DGKD: variants seen among roughly 807,000 people sequenced by gnomAD.
DGKD encodes the protein DAG kinase delta.
A neutral mutation model predicts 154.4 loss-of-function variants in DGKD; 68 were observed. The observed-to-expected ratio is 0.44, with a 90% CI of 0.36 to 0.54. The LOEUF (loss-of-function observed/expected upper bound fraction) is 0.54, where lower values mean the gene tolerates loss of function less well. Ranked by LOEUF, DGKD falls within the 20% of genes least tolerant of loss-of-function variation. DGKD has a pLI of 0.00. For synonymous variants in DGKD, 693 were observed against 638.0 expected (o/e 1.09, Z -1.30); for missense variants, 1,343 against 1,593.6 (o/e 0.84, Z 2.68).
chr2:233,433,797 T>C (rs905094051), intron 3 of DGKD, among the ~76,000 whole-genome samples: 2 of 152,232 alleles, frequency 1.3e-5, no homozygotes, highest in Non-Finnish European at 2.9e-5. Flanking sequence ...GAAGATTTTT[T>C]TTCTACTGAT....
At chr2:233,372,505 A>C (rs1048820189) in intron 1 of DGKD, among the ~76,000 whole-genome samples, 11 of 151,344 alleles carry the variant, frequency 7.3e-5, no homozygotes, top group Middle Eastern at 3.4e-3. Flanking sequence ...GTTGTTCTCT[A>C]TCTCCTTTCT....
At chr2:233,463,515 G>C (rs370163858) in intron 26 of DGKD, among the ~76,000 whole-genome samples, 988 of 19,600 alleles carry the variant, frequency 0.05, 101 homozygotes, top group African/African-American at 0.22. Context: ...CTGCACGCAT[G>C]TCCTCACTCC....
chr2:233,464,202 T>C lies in DGKD; in HGVS notation c.3225T>C (p.Ala1075=). 6.2e-7 allele frequency: 1 copy of C among 1,613,606 alleles called. No individual in the cohort carries two copies. Among genetic ancestry groups the C allele is most frequent in the East Asian group, 2.2e-5 (1 of 44,870 alleles). Residue 1075 remains alanine (A), a synonymous_variant, in exon 27 of 30, where the codon GCT becomes GCC. Transcript: ENST00000264057. ...CTCAGAAGGAGCAGCTGGGGAGTGC[T>C]CTTGCCGAGATGGACCGACAGCTCA... The part of the protein sequence containing the change: ...DPPQKEQLGS[A]LAEMDRQLRR...
At chr2:233,374,744 C>T (rs984328849) in intron 1 of DGKD, among the ~76,000 whole-genome samples, 1 of 152,128 alleles carries the variant, frequency 6.6e-6, no homozygotes, top group Admixed American at 6.5e-5. Flanking sequence ...TGGGTTCAAG[C>T]AACTTTTCTG....
In DGKD at chr2:233,438,750, TCTA is replaced by T. The variant is rs780219720; in HGVS notation, c.1085+372_1085+374del. ...TTATAATTTTTTATTTATCTGTCTATCTATCATCTATCTATCTATCTATCTATC... is the reference window on the plus strand; with the variant it reads ...TTATAATTTTTTATTTATCTGTCTATTCATCTATCTATCTATCTATCTATC... On this transcript the variant is annotated intron_variant, in intron 9 of 29. Transcript: ENST00000264057. This position sits in a 1 kb window ranked among gnomAD's most constrained non-coding sequence, Gnocchi z 4.1. 0.041 allele frequency among the ~76,000 whole-genome samples: 3,563 copies of T among 86,488 alleles called. 62 individuals carry two copies. Among genetic ancestry groups the T allele is most frequent in the African/African-American group, 0.07 (1,403 of 20,158 alleles). The allele number at this position is 86,488 out of a possible 152,430, so 56.7% of individuals were successfully genotyped here.
chr2:233,387,385 G>A (rs951559901), intron 1 of DGKD, among the ~76,000 whole-genome samples: 1 of 152,156 alleles, frequency 6.6e-6, no homozygotes, highest in South Asian at 2.1e-4. Flanking sequence ...GTAACATAGT[G>A]TGCGAACGCC....
rs113137289 is a variant in DGKD at position 233,468,568 on chromosome 2, G to A, written c.3555+15G>A. The stretch of plus-strand genomic sequence containing the variant: ...GGGACCTCAAGGTACTTCCATAGGC[G>A]TCTCCCTGGAACCTGCACTTGGGCT... On this transcript the variant is annotated intron_variant, in intron 29 of 29. Coordinates refer to ENST00000264057, the MANE Select transcript of DGKD (RefSeq NM_152879.3). The A allele has an allele frequency of 2.0e-3, 3,172 of 1,613,092 alleles. 28 individuals are homozygous for A. In the African/African-American group the frequency reaches 0.025, roughly 13 times the overall value.
intron 3 of DGKD, among the ~76,000 whole-genome samples, chr2:233,396,528 C>T (rs1384698169): frequency 6.6e-6 from 1 of 152,020 alleles, no homozygotes; most frequent in East Asian, 1.9e-4. Flanking sequence ...ATACATAGAA[C>T]CTTAGTTACA....
At position 233,457,088 on chromosome 2, in the gene DGKD, T is replaced by C; in HGVS notation, c.2472+93T>C. On this transcript the variant is annotated intron_variant, in intron 20 of 29. Transcript: ENST00000264057. This position sits in a 1 kb window ranked among gnomAD's most constrained non-coding sequence, Gnocchi z 5.5. ...CTTCTCCTGTTGACCATTTCCTCCA[T>C]GCACAGGGACTTGCCTGGGGATGCC... The C allele has an allele frequency of 7.5e-7, 1 of 1,336,806 alleles. No homozygotes were observed. Among genetic ancestry groups the C allele is most frequent in the Non-Finnish European group, 1.1e-6 (1 of 931,362 alleles). 82.8% of individuals were successfully genotyped at this position (1,336,806 alleles called of 1,614,324 possible). A position where few individuals can be genotyped will look rare whatever the true frequency, so the allele number is the denominator to read the frequency against.
chr2:233,439,919 A>G (rs1429571524), intron 9 of DGKD, among the ~76,000 whole-genome samples: 1 of 152,102 alleles, frequency 6.6e-6, no homozygotes, highest in South Asian at 2.1e-4. Context: ...GAAAGTGGAG[A>G]TATAATACGT....
At chr2:233,375,446 T>C (rs780930878) in intron 1 of DGKD, among the ~76,000 whole-genome samples, 13 of 152,022 alleles carry the variant, frequency 8.6e-5, no homozygotes, top group African/African-American at 1.2e-4. Flanking sequence ...GTTGGGCCAT[T>C]TAACACAGGA....
intron 1 of DGKD, among the ~76,000 whole-genome samples, chr2:233,362,628 G>A (rs1372798896): frequency 6.6e-6 from 1 of 152,178 alleles, no homozygotes; most frequent in Non-Finnish European, 1.5e-5. Context: ...TACAGCCTGG[G>A]CGACAAGAGC....
At chr2:233,404,607 C>A (rs2061637353) in intron 3 of DGKD, among the ~76,000 whole-genome samples, 1 of 152,004 alleles carries the variant, frequency 6.6e-6, no homozygotes, top group Non-Finnish European at 1.5e-5. Flanking sequence ...TACTTTACAC[C>A]ATTTTAGATA....
chr2:233,411,706 A>G (rs752692471), intron 3 of DGKD, among the ~76,000 whole-genome samples: 1 of 152,142 alleles, frequency 6.6e-6, no homozygotes, highest in Non-Finnish European at 1.5e-5. Flanking sequence ...TAAATGGCTC[A>G]TTCTTCTAGT....
Position 233,419,145 on chromosome 2 carries a change from T to C in DGKD, c.349-15235T>C, listed in dbSNP as rs555628754. ...AATGACCCAGGGCGCCAGATGCTTA[T>C]TCTCGGCCACCTTTCCAAGCGCTGC... On this transcript the variant is annotated intron_variant, in intron 3 of 29. Transcript: ENST00000264057. The C allele has an allele frequency of 4.3e-4, 377 of 877,120 alleles. 2 individuals are homozygous for C. The highest frequency in any genetic ancestry group is 5.0e-4 in the Non-Finnish European group (365 of 731,638). 54.3% of individuals were successfully genotyped at this position (877,120 alleles called of 1,614,324 possible). A position where few individuals can be genotyped will look rare whatever the true frequency, so the allele number is the denominator to read the frequency against.
chr2:233,434,319 T>C, intron 3 of DGKD, 61 bp from the exon 4 acceptor site: 1 of 1,353,360 alleles, frequency 7.4e-7, no homozygotes, highest in Non-Finnish European at 1.1e-6. Context: ...TAAGAAAGCG[T>C]TCATAGCTAT....
chr2:233,360,030 T>A (rs78998920), intron 1 of DGKD, among the ~76,000 whole-genome samples: 79 of 152,224 alleles, frequency 5.2e-4, no homozygotes, highest in African/African-American at 1.9e-3. Context: ...GTGAGCTGAG[T>A]GACTGCAGCG....
chr2:233,398,935 C>T (rs1047465340), intron 3 of DGKD, among the ~76,000 whole-genome samples: 1 of 152,188 alleles, frequency 6.6e-6, no homozygotes, highest in African/African-American at 2.4e-5. Flanking sequence ...TATCATCTTC[C>T]CTTAGCAGCC....
At position 233,469,496 on chromosome 2, in the gene DGKD, G is replaced by A. The variant is rs553601469; in HGVS notation, c.*36G>A. 25 of 1,540,152 alleles carry A rather than the reference G, an allele frequency of 1.6e-5. No individual in the cohort carries two copies. Among genetic ancestry groups the A allele is most frequent in the African/African-American group, 1.5e-4 (11 of 73,396 alleles). On this transcript the variant is annotated 3_prime_UTR_variant, in exon 30 of 30. Coordinates refer to ENST00000264057, the MANE Select transcript of DGKD (RefSeq NM_152879.3). Reference sequence around the variant, plus strand: ...CTCAGCCTGTGGCCTCCACATCCCCGCCGCCGAGGCCTAGCCTCCGCCCTC... The same window carrying A: ...CTCAGCCTGTGGCCTCCACATCCCCACCGCCGAGGCCTAGCCTCCGCCCTC...
Sources: allele counts gnomAD v4.1 joint callset (sites outside exome capture counted in the v4.1 genomes callset), GRCh38; gene constraint gnomAD v4.1.1; non-coding constraint Gnocchi (gnomAD v3.1); transcripts MANE v1.5; gene names NCBI Gene and HGNC (gene_info 2026-07-23, HGNC 2026-07-21).